Variants in CACUL1 observed in about 807,000 individuals in gnomAD.
CACUL1 encodes CDK2-associated and cullin domain-containing protein 1.
A neutral mutation model predicts 45.2 loss-of-function variants in CACUL1; 13 were observed. The observed-to-expected ratio is 0.29, with a 90% CI of 0.19 to 0.46. CACUL1 has a LOEUF of 0.46. Ranked by LOEUF, CACUL1 falls within the 20% of genes least tolerant of loss-of-function variation. CACUL1 has a pLI of 1.00. For synonymous variants in CACUL1, 197 were observed against 174.2 expected, an observed-to-expected ratio of 1.13 and a Z score of -1.03; for missense variants, 421 against 471.4, an observed-to-expected ratio of 0.89 and a Z score of 0.99.
chr10:118,700,589 C>A (rs1219528526), intron 5 of CACUL1, among the ~76,000 whole-genome samples: 1 of 152,074 alleles, frequency 6.6e-6, no homozygotes, highest in East Asian at 1.9e-4. Flanking sequence ...TGGTTGCGGG[C>A]ACCTGTAATC....
intron 1 of CACUL1, among the ~76,000 whole-genome samples, chr10:118,731,171 T>C (rs1376035072): frequency 1.3e-5 from 2 of 152,104 alleles, no homozygotes; most frequent in Non-Finnish European, 2.9e-5. Context: ...GAAATGTTAA[T>C]ATTAAAAAAA....
chr10:118,694,397 AAAC>A (rs932529202), intron 6 of CACUL1, among the ~76,000 whole-genome samples: 3 of 152,258 alleles, frequency 2.0e-5, no homozygotes, highest in Non-Finnish European at 4.4e-5. Flanking sequence ...TTTAATCCTC[AAAC>A]AACAAAAGAA....
At chr10:118,710,754 G>A (rs1408527907) in intron 3 of CACUL1, among the ~76,000 whole-genome samples, 1 of 152,170 alleles carries the variant, frequency 6.6e-6, no homozygotes, top group Non-Finnish European at 1.5e-5. Flanking sequence ...CTAGAACATA[G>A]TAGATAAAGA....
At position 118,754,918 on chromosome 10, in the gene CACUL1, G is replaced by A. The variant is rs1589623855; in HGVS notation, c.-156C>T. 3 of 1,054,916 alleles carry A rather than the reference G, an allele frequency of 2.8e-6. No homozygotes were observed. Among genetic ancestry groups the A allele is most frequent in the Non-Finnish European group, 2.6e-6 (2 of 765,214 alleles). The allele number at this position is 1,054,916 out of a possible 1,614,324, so 65.3% of individuals were successfully genotyped here. On this transcript the variant is annotated 5_prime_UTR_variant, in exon 1 of 9. Coordinates refer to ENST00000369151, the MANE Select transcript of CACUL1 (RefSeq NM_153810.5). The stretch of plus-strand genomic sequence containing the variant: ...GTGCGCAGGGTCTCTCGCTCTCCGC[G>A]GGGCCGACTAGCTTGAAGACGCGGC...
rs572380437 is a variant in CACUL1 at position 118,679,457 on chromosome 10, C to G, written c.*6671G>C. ...TCTCGAGCTCCTGGCCTCAAGTGAT[C>G]CACCTGCCTCAGCCTCCCAAAGTAT... On this transcript the variant is annotated 3_prime_UTR_variant, in exon 9 of 9. Transcript: ENST00000369151. 1.3e-5 allele frequency: 2 copies of G among 151,116 alleles called. No individual in the cohort carries two copies. The highest frequency in any genetic ancestry group is 3.9e-4 in the East Asian group (2 of 5,072). 9.4% of individuals were successfully genotyped at this position (151,116 alleles called of 1,614,324 possible).
intron 1 of CACUL1, among the ~76,000 whole-genome samples, chr10:118,743,436 T>C (rs938266560): frequency 1.3e-5 from 2 of 152,020 alleles, no homozygotes; most frequent in African/African-American, 4.8e-5. Flanking sequence ...AGGGGCATAT[T>C]ATATATAGAG....
intron 3 of CACUL1, among the ~76,000 whole-genome samples, chr10:118,708,501 C>T (rs371459378): frequency 6.6e-6 from 1 of 152,018 alleles, no homozygotes; most frequent in Non-Finnish European, 1.5e-5. Flanking sequence ...TTACAAAATA[C>T]CAAATCATAA....
intron 7 of CACUL1, 44 bp from the exon 8 acceptor site, chr10:118,686,685 A>G: frequency 7.5e-7 from 1 of 1,329,346 alleles, no homozygotes; most frequent in Non-Finnish European, 1.1e-6. Context: ...CTTCACATCA[A>G]AACAGGAGGA....
chr10:118,703,758 A>C (rs1589606067), intron 4 of CACUL1, among the ~76,000 whole-genome samples: 1 of 152,204 alleles, frequency 6.6e-6, no homozygotes, highest in Non-Finnish European at 1.5e-5. Context: ...TTCACTAACT[A>C]AAGTAAGTTA....
In CACUL1 at chr10:118,682,443, C is replaced by A. The variant is rs905682975; in HGVS notation, c.*3685G>T. 6.6e-6 allele frequency: 1 copy of A among 152,432 alleles called. No individual in the cohort carries two copies. Among genetic ancestry groups the A allele is most frequent in the Non-Finnish European group, 1.5e-5 (1 of 68,006 alleles). 9.4% of individuals were successfully genotyped at this position (152,432 alleles called of 1,614,324 possible). A position where few individuals can be genotyped will look rare whatever the true frequency, so the allele number is the denominator to read the frequency against. On this transcript the variant is annotated 3_prime_UTR_variant, in exon 9 of 9. Coordinates refer to ENST00000369151, the MANE Select transcript of CACUL1 (RefSeq NM_153810.5). The stretch of plus-strand genomic sequence containing the variant: ...AAAGCCAGCCTCAATAATAAAAAGG[C>A]AAAATCTGGAGGGGTTACTCGGCTT...
intron 3 of CACUL1, among the ~76,000 whole-genome samples, chr10:118,711,975 T>C (rs753074048): frequency 3.3e-5 from 5 of 152,240 alleles, no homozygotes; most frequent in East Asian, 3.8e-4. Context: ...CTAGGCCCCA[T>C]TGGGGAAACT....
Position 118,707,542 on chromosome 10 carries a change from C to T in CACUL1, c.643G>A (p.Gly215Arg), listed in dbSNP as rs746200200. The T allele has an allele frequency of 6.3e-7, 1 of 1,589,506 alleles. No individual in the cohort carries two copies. Among genetic ancestry groups the T allele is most frequent in the Admixed American group, 1.7e-5 (1 of 59,914 alleles). Reference protein sequence around the residue: ...LYIERFNIALGQYMGALQSIV... With the variant: ...LYIERFNIALRQYMGALQSIV... Reference sequence around the variant, plus strand: ...CTCTGCAATGCTCCCATATATTGTCCAAGAGCTATATTAAATCTTTCAATA... The same window carrying T: ...CTCTGCAATGCTCCCATATATTGTCTAAGAGCTATATTAAATCTTTCAATA... Residue 215 changes from glycine (G) to arginine (R), a missense_variant, in exon 4 of 9, where the codon GGA (glycine) becomes AGA (arginine). Gly to Arg is a moderately radical substitution (Grantham distance 125, BLOSUM62 -2). Transcript: ENST00000369151.
chr10:118,686,770 T>G (rs1364581812), intron 7 of CACUL1, 129 bp from the exon 8 acceptor site: 7 of 685,536 alleles, frequency 1.0e-5, no homozygotes, highest in East Asian at 2.7e-5. Context: ...AAATACATAT[T>G]AAACATCTTA....
At chr10:118,689,808 G>A (rs1287251704) in intron 7 of CACUL1, among the ~76,000 whole-genome samples, 1 of 152,138 alleles carries the variant, frequency 6.6e-6, no homozygotes, top group East Asian at 1.9e-4. Context: ...AACTCAATAT[G>A]CTCAAAATTC....
chr10:118,751,371 C>T (rs57933880), intron 1 of CACUL1, among the ~76,000 whole-genome samples: 19,496 of 151,800 alleles, frequency 0.13, 1,484 homozygotes, highest in Admixed American at 0.27. Flanking sequence ...TTTCTTTTCA[C>T]ATTTAGGTCT....
intron 6 of CACUL1, among the ~76,000 whole-genome samples, chr10:118,691,885 A>G (rs933840680): frequency 7.3e-5 from 11 of 150,736 alleles, no homozygotes; most frequent in Admixed American, 3.3e-4. Context: ...AAAAAAAAAA[A>G]AAAAAGAAAA....
At chr10:118,707,456 T>C (rs975208406) in intron 4 of CACUL1, 36 bp downstream of exon 4, 1 of 952,900 alleles carries the variant, frequency 1.0e-6, no homozygotes, top group East Asian at 2.4e-5. Flanking sequence ...ACAATACACC[T>C]AGGTATTTGG....
chr10:118,704,455 G>A (rs184488093), intron 4 of CACUL1, among the ~76,000 whole-genome samples: 44 of 152,288 alleles, frequency 2.9e-4, no homozygotes, highest in African/African-American at 1.0e-3. Flanking sequence ...GCAGACAGGG[G>A]TGGTTCTCCA....
In CACUL1 at chr10:118,715,667, C is replaced by T. The variant is rs114879847; in HGVS notation, c.598-8080G>A. ...AGATGTAAAATACAAACGAGTTCTACAATTTCATATTTATATCCCTCCTCC... is the reference window on the plus strand; with the variant it reads ...AGATGTAAAATACAAACGAGTTCTATAATTTCATATTTATATCCCTCCTCC... On this transcript the variant is annotated intron_variant, in intron 3 of 8. Coordinates refer to ENST00000369151, the MANE Select transcript of CACUL1 (RefSeq NM_153810.5). Among the ~76,000 whole-genome samples, 808 of 152,274 alleles carry T rather than the reference C, an allele frequency of 5.3e-3. 5 individuals carry two copies. Among genetic ancestry groups the T allele is most frequent in the African/African-American group, 0.018 (730 of 41,554 alleles).
Sources: gnomAD v4.1 joint callset for allele counts (sites outside exome capture counted in the v4.1 genomes callset) on GRCh38, gnomAD v4.1.1 for gene constraint, MANE v1.5 for transcripts, NCBI Gene and HGNC (gene_info 2026-07-23, HGNC 2026-07-21) for gene names.